The following DPP6 variants were observed in gnomAD, a reference collection of about 807,000 sequenced individuals.
The protein encoded by DPP6 is dipeptidyl peptidase like 6.
In DPP6, 69 loss-of-function variants were observed where a neutral mutation model predicts 122.6. The observed-to-expected ratio is 0.56, with a 90% CI of 0.46 to 0.69. DPP6 has a LOEUF of 0.69. Among genes scored for constraint, DPP6 ranks in the 30% least tolerant of loss-of-function variants. The probability of loss-of-function intolerance (pLI) is 0.00; values close to 1 mark genes in which losing one functional copy is unlikely to be tolerated. For missense variants in DPP6, 928 were observed against 1,116.9 expected (o/e 0.83, Z 2.41); for synonymous variants, 418 against 433.1 (o/e 0.97, Z 0.43).
chr7:154,375,089 C>G (rs1414814166), intron 1 of DPP6, among the ~76,000 whole-genome samples: 3 of 152,080 alleles, frequency 2.0e-5, no homozygotes, highest in Admixed American at 6.6e-5. Context: ...AAGGCTCTGA[C>G]AAAAGAGGAG....
intron 1 of DPP6, among the ~76,000 whole-genome samples, chr7:154,015,912 A>ACTTCGG (rs1798382998): frequency 6.6e-6 from 1 of 152,122 alleles, no homozygotes; most frequent in Non-Finnish European, 1.5e-5. Context: ...CCTCCTTTGC[A>ACTTCGG]CATCTCAGAC....
chr7:153,806,002 A>T, the DPP6 span, among the ~76,000 whole-genome samples: 3 of 81,296 alleles, frequency 3.7e-5, no homozygotes, highest in Non-Finnish European at 7.5e-5. Context: ...AAAGTATAAT[A>T]AAAAAAAATA....
At chr7:154,874,062 T>C (rs982388092) in intron 19 of DPP6, among the ~76,000 whole-genome samples, 1 of 125,222 alleles carries the variant, frequency 8.0e-6, no homozygotes, top group Non-Finnish European at 1.7e-5. Flanking sequence ...CATATGCACA[T>C]GTATGTGTAT....
intron 1 of DPP6, among the ~76,000 whole-genome samples, chr7:154,442,720 G>C (rs773970094): frequency 6.6e-6 from 1 of 152,074 alleles, no homozygotes; most frequent in Admixed American, 6.6e-5. Context: ...ACATGCAAAA[G>C]GGATACATAA....
intron 1 of DPP6, among the ~76,000 whole-genome samples, chr7:154,287,223 G>A (rs1042085945): frequency 2.6e-5 from 4 of 152,208 alleles, no homozygotes; most frequent in African/African-American, 9.7e-5. Flanking sequence ...CACTTAGAAG[G>A]GGAAACGTGC....
chr7:154,430,903 AAG>A (rs1242428129), intron 1 of DPP6, among the ~76,000 whole-genome samples: 31 of 28,798 alleles, frequency 1.1e-3, no homozygotes, highest in Non-Finnish European at 1.7e-3. Context: ...TTCTTTCGTT[AAG>A]TTAAGTCTTC....
At chr7:154,336,333 G>A (rs185354792) in intron 1 of DPP6, among the ~76,000 whole-genome samples, 11 of 152,242 alleles carry the variant, frequency 7.2e-5, no homozygotes, top group Admixed American at 2.0e-4. Context: ...TGGTGGTGCC[G>A]GGATGGTATG....
intron 1 of DPP6, among the ~76,000 whole-genome samples, chr7:154,426,698 G>T (rs1300544285): frequency 6.6e-6 from 1 of 151,660 alleles, no homozygotes; most frequent in African/African-American, 2.4e-5. Context: ...AGGACTTGCT[G>T]CTCTGGTTAC....
At chr7:154,872,596 A>C (rs1229848875) in intron 18 of DPP6, 28 bp from the exon 19 acceptor site, 1 of 1,579,898 alleles carries the variant, frequency 6.3e-7, no homozygotes, top group Admixed American at 1.8e-5. Context: ...TTGCCCCCTA[A>C]CCCGTGCTGT....
intron 1 of DPP6, among the ~76,000 whole-genome samples, chr7:154,289,801 C>T (rs1346297184): frequency 6.6e-6 from 1 of 152,134 alleles, no homozygotes; most frequent in Non-Finnish European, 1.5e-5. Flanking sequence ...ACCCCAGCGT[C>T]TGATGGGGAT....
chr7:154,691,155 A>C (rs1471060459), intron 7 of DPP6, among the ~76,000 whole-genome samples: 1 of 152,208 alleles, frequency 6.6e-6, no homozygotes, highest in African/African-American at 2.4e-5. Context: ...TCATGGAACA[A>C]AGTGGTGAAT....
intron 1 of DPP6, among the ~76,000 whole-genome samples, chr7:154,305,908 TG>T (rs1806300587): frequency 1.3e-5 from 2 of 152,156 alleles, no homozygotes; most frequent in African/African-American, 2.4e-5. Context: ...ACGAGTTCCC[TG>T]GGAAGGTTCC....
chr7:154,073,753 A>G (rs1803299391), intron 1 of DPP6, among the ~76,000 whole-genome samples: 1 of 152,228 alleles, frequency 6.6e-6, no homozygotes, highest in Non-Finnish European at 1.5e-5. Flanking sequence ...CCTGTCTGGA[A>G]AAACTTGCTG....
At chr7:154,323,569 G>A (rs1458637730) in intron 1 of DPP6, among the ~76,000 whole-genome samples, 1 of 152,146 alleles carries the variant, frequency 6.6e-6, no homozygotes, top group Non-Finnish European at 1.5e-5. Flanking sequence ...CTAACCATGA[G>A]GTTTTATTGA....
chr7:153,813,866 T>G, the DPP6 span, among the ~76,000 whole-genome samples: 11 of 152,286 alleles, frequency 7.2e-5, no homozygotes, highest in African/African-American at 2.4e-4. Context: ...CACTTTTTGA[T>G]GGGGTTGTTT....
chr7:153,766,853 T>G, the DPP6 span, among the ~76,000 whole-genome samples: 1 of 152,274 alleles, frequency 6.6e-6, no homozygotes, highest in East Asian at 1.9e-4. Context: ...TCACACATTT[T>G]AGTGATTCTG....
At chr7:153,855,270 TAA>T in the DPP6 span, among the ~76,000 whole-genome samples, 1 of 145,148 alleles carries the variant, frequency 6.9e-6, no homozygotes, top group African/African-American at 2.5e-5. Context: ...ATAATACCTA[TAA>T]AAAAAATATT....
intron 1 of DPP6, among the ~76,000 whole-genome samples, chr7:153,953,809 A>G (rs1476474290): frequency 6.6e-6 from 1 of 152,226 alleles, no homozygotes; most frequent in Non-Finnish European, 1.5e-5. Flanking sequence ...AGATGAGTGC[A>G]TGTGCGTCTA....
the DPP6 span, among the ~76,000 whole-genome samples, chr7:153,796,950 A>G: frequency 6.6e-6 from 1 of 152,212 alleles, no homozygotes; most frequent in Non-Finnish European, 1.5e-5. Context: ...CAAGAAGACT[A>G]TGGCTTGTTT....
Sources: allele counts gnomAD v4.1 joint callset (sites outside exome capture counted in the v4.1 genomes callset), GRCh38; gene constraint gnomAD v4.1.1; transcripts MANE v1.5; gene names NCBI Gene and HGNC (gene_info 2026-07-23, HGNC 2026-07-21).